MIS18A: variants seen among roughly 807,000 people sequenced by gnomAD.
MIS18A encodes the protein protein Mis18-alpha.
MIS18A carries 14 observed loss-of-function variants against 25.0 expected under a neutral mutation model. The ratio of observed to expected loss-of-function variants is 0.56; its 90% CI spans 0.37 to 0.88. The LOEUF is 0.88. Ranked by LOEUF, MIS18A falls within the 40% of genes least tolerant of loss-of-function variation. The pLI is 0.00. For missense variants in MIS18A, 292 were observed against 290.8 expected, an observed-to-expected ratio of 1.00 and a Z score of -0.03; for synonymous variants, 134 against 118.6, an observed-to-expected ratio of 1.13 and a Z score of -0.84.
At chr21:32,175,228 T>C in the MIS18A span, among the ~76,000 whole-genome samples, 1 of 152,150 alleles carries the variant, frequency 6.6e-6, no homozygotes, top group Non-Finnish European at 1.5e-5. Flanking sequence ...TAAAAAATGA[T>C]ATTAAAAATA....
At chr21:32,226,746 C>T in the MIS18A span, among the ~76,000 whole-genome samples, 1 of 152,066 alleles carries the variant, frequency 6.6e-6, no homozygotes, top group Non-Finnish European at 1.5e-5. Context: ...TACTATGAAC[C>T]AACTAGACCT....
the MIS18A span, among the ~76,000 whole-genome samples, chr21:32,187,030 G>A: frequency 6.6e-6 from 1 of 152,216 alleles, no homozygotes; most frequent in Non-Finnish European, 1.5e-5. Context: ...CTAAACTCCT[G>A]GCAGGTCCTG....
At chr21:32,186,606 C>A in the MIS18A span, among the ~76,000 whole-genome samples, 1 of 151,960 alleles carries the variant, frequency 6.6e-6, no homozygotes, top group African/African-American at 2.4e-5. Context: ...AAGAAGAGGG[C>A]GATACATCTA....
chr21:32,252,930 C>T, the MIS18A span, among the ~76,000 whole-genome samples: 9 of 152,198 alleles, frequency 5.9e-5, no homozygotes, highest in African/African-American at 1.9e-4. Context: ...GCTACTCACT[C>T]GTCCATTTGG....
At chr21:32,177,794 AAG>A in the MIS18A span, among the ~76,000 whole-genome samples, 17 of 152,266 alleles carry the variant, frequency 1.1e-4, no homozygotes, top group Middle Eastern at 3.4e-3. Context: ...TTAGTAAGTA[AAG>A]AGAGAGATGA....
chr21:32,175,867 T>G, the MIS18A span, among the ~76,000 whole-genome samples: 418 of 152,280 alleles, frequency 2.7e-3, 2 homozygotes, highest in Non-Finnish European at 4.0e-3. Flanking sequence ...AAAATTTTTT[T>G]TCTTTATATT....
the MIS18A span, among the ~76,000 whole-genome samples, chr21:32,182,333 T>A: frequency 6.6e-6 from 1 of 152,238 alleles, no homozygotes; most frequent in South Asian, 2.1e-4. Context: ...ACAATTTATC[T>A]GGCAGGAAAT....
At chr21:32,274,057 G>A (rs1386831095) in intron 2 of MIS18A, among the ~76,000 whole-genome samples, 1 of 152,112 alleles carries the variant, frequency 6.6e-6, no homozygotes, top group African/African-American at 2.4e-5. Context: ...GCCACAAACA[G>A]CCTTGTCTGT....
chr21:32,176,824 G>A, the MIS18A span, among the ~76,000 whole-genome samples: 1 of 151,174 alleles, frequency 6.6e-6, no homozygotes, highest in African/African-American at 2.4e-5. Flanking sequence ...AGTGAAAGAA[G>A]AAATAGCACA....
chr21:32,249,471 C>T, the MIS18A span, among the ~76,000 whole-genome samples: 5 of 152,182 alleles, frequency 3.3e-5, no homozygotes, highest in African/African-American at 9.7e-5. Flanking sequence ...ATGAAGACTT[C>T]TGGGAGGAGC....
At chr21:32,210,806 A>G in the MIS18A span, among the ~76,000 whole-genome samples, 3 of 152,164 alleles carry the variant, frequency 2.0e-5, no homozygotes, top group Non-Finnish European at 4.4e-5. Context: ...TTAAATTCAT[A>G]TGCAATCTGC....
chr21:32,230,812 T>C, the MIS18A span, among the ~76,000 whole-genome samples: 4 of 152,268 alleles, frequency 2.6e-5, no homozygotes, highest in Non-Finnish European at 5.9e-5. Flanking sequence ...CTTTGTGAGT[T>C]TGAATTAGCA....
chr21:32,177,109 G>A, the MIS18A span, among the ~76,000 whole-genome samples: 1 of 152,092 alleles, frequency 6.6e-6, no homozygotes, highest in Non-Finnish European at 1.5e-5. Context: ...AGAATCCTTC[G>A]TGATCAAGTG....
chr21:32,276,465 A>T (rs1178882972), intron 1 of MIS18A, among the ~76,000 whole-genome samples: 1 of 141,654 alleles, frequency 7.1e-6, no homozygotes, highest in African/African-American at 3.0e-5. Context: ...TGTCTCAAAA[A>T]AAAAAAAAAA....
At chr21:32,272,643 A>G (rs1009797545) in intron 2 of MIS18A, among the ~76,000 whole-genome samples, 1 of 152,202 alleles carries the variant, frequency 6.6e-6, no homozygotes, top group Admixed American at 6.5e-5. Context: ...AACTAATAAC[A>G]TTTGTTTTCA....
At chr21:32,156,154 C>T in the MIS18A span, among the ~76,000 whole-genome samples, 3 of 152,024 alleles carry the variant, frequency 2.0e-5, no homozygotes, top group Admixed American at 6.5e-5. Context: ...TTGGAAATGT[C>T]ATTTACAAAT....
At chr21:32,226,410 A>G in the MIS18A span, among the ~76,000 whole-genome samples, 1 of 152,328 alleles carries the variant, frequency 6.6e-6, no homozygotes, top group Admixed American at 6.5e-5. Flanking sequence ...ATAGGAAAAT[A>G]TATACCATTC....
the MIS18A span, among the ~76,000 whole-genome samples, chr21:32,184,747 G>T: frequency 6.6e-6 from 1 of 152,046 alleles, no homozygotes; most frequent in African/African-American, 2.4e-5. Flanking sequence ...GGCTCCCTCC[G>T]CTGACACCTT....
chr21:32,258,183 CA>C, the MIS18A span, among the ~76,000 whole-genome samples: 1 of 152,008 alleles, frequency 6.6e-6, no homozygotes, highest in Non-Finnish European at 1.5e-5. Context: ...GATTTAGTAA[CA>C]AATCTGAGTC....
Sources: gnomAD v4.1 joint callset for allele counts (sites outside exome capture counted in the v4.1 genomes callset) on GRCh38, gnomAD v4.1.1 for gene constraint, MANE v1.5 for transcripts, NCBI Gene and HGNC (gene_info 2026-07-23, HGNC 2026-07-21) for gene names.